FCHSD2: variants seen among roughly 807,000 people sequenced by gnomAD.
FCHSD2 encodes the protein F-BAR and double SH3 domains protein 2.
In FCHSD2, 38 loss-of-function variants were observed where a neutral mutation model predicts 108.1. The ratio of observed to expected loss-of-function variants is 0.35; its 90% confidence interval spans 0.27 to 0.46. The LOEUF (loss-of-function observed/expected upper bound fraction) is 0.46, where lower values mean the gene tolerates loss of function less well. Among genes scored for constraint, FCHSD2 ranks in the 20% least tolerant of loss-of-function variants. FCHSD2 has a pLI of 1.00. For synonymous variants in FCHSD2, 279 were observed against 314.7 expected (o/e 0.89, Z 1.20); for missense variants, 751 against 897.8 (o/e 0.84, Z 2.09).
chr11:73,127,647 G>C (rs191306923), intron 2 of FCHSD2, among the ~76,000 whole-genome samples: 1 of 152,280 alleles, frequency 6.6e-6, no homozygotes, highest in Admixed American at 6.5e-5. Context: ...CAGATAAACA[G>C]CTTCAGACTT....
chr11:72,862,675 C>G (rs1854626299), intron 13 of FCHSD2, among the ~76,000 whole-genome samples: 1 of 152,130 alleles, frequency 6.6e-6, no homozygotes, highest in Admixed American at 6.6e-5. Flanking sequence ...TCTATGCAGT[C>G]ATCATAATCC....
At chr11:73,058,393 G>T (rs546629435) in intron 3 of FCHSD2, among the ~76,000 whole-genome samples, 4 of 152,122 alleles carry the variant, frequency 2.6e-5, no homozygotes, top group Non-Finnish European at 5.9e-5. Flanking sequence ...GGTATGGCTA[G>T]ATGTCATCAC....
intron 5 of FCHSD2, among the ~76,000 whole-genome samples, chr11:72,992,963 G>T (rs1422417922): frequency 1.3e-5 from 2 of 152,168 alleles, no homozygotes; most frequent in Non-Finnish European, 2.9e-5. Flanking sequence ...CCATCAGAGT[G>T]AACAGGCAAC....
intron 8 of FCHSD2, among the ~76,000 whole-genome samples, chr11:72,935,436 T>C (rs556969208): frequency 3.3e-5 from 5 of 152,332 alleles, no homozygotes; most frequent in South Asian, 2.1e-4. Context: ...ATTTCTAAAA[T>C]AGACTTTGGT....
rs900134316 is a variant in FCHSD2, at chr11:72,837,425, C to T, written c.*1366G>A. The T allele has an allele frequency of 6.6e-6, 1 of 151,154 alleles. No individual in the cohort carries two copies. The highest frequency in any genetic ancestry group is 2.4e-5 in the African/African-American group (1 of 41,134). The allele number at this position is 151,154 out of a possible 1,614,324, so 9.4% of individuals were successfully genotyped here. A position where few individuals can be genotyped will look rare whatever the true frequency, so the allele number is the denominator to read the frequency against. On this transcript the variant is annotated 3_prime_UTR_variant, in exon 20 of 20. Transcript: ENST00000409418. ...ATGGAGTTTTCAAAGCATAATACAA[C>T]TTGTAGATTAAATTCTGCAAATTTG... is the stretch of plus-strand genomic sequence containing the variant.
At chr11:73,041,287 T>G (rs1179452166) in intron 3 of FCHSD2, among the ~76,000 whole-genome samples, 2 of 152,178 alleles carry the variant, frequency 1.3e-5, no homozygotes, top group Non-Finnish European at 2.9e-5. Flanking sequence ...TATTTTTAGT[T>G]TTTTGAGAAA....
At chr11:73,071,545 A>T (rs1859436385) in intron 3 of FCHSD2, among the ~76,000 whole-genome samples, 1 of 151,720 alleles carries the variant, frequency 6.6e-6, no homozygotes, top group African/African-American at 2.4e-5. Context: ...CAAAAAAAAA[A>T]AAAAAATTAG....
intron 3 of FCHSD2, among the ~76,000 whole-genome samples, chr11:73,019,933 T>G (rs1021267061): frequency 6.6e-6 from 1 of 152,174 alleles, no homozygotes; most frequent in African/African-American, 2.4e-5. Flanking sequence ...AAAATTTTTT[T>G]CAAATCATTC....
Position 72,838,764 on chromosome 11 carries a change from AG to A in FCHSD2, c.*26del, listed in dbSNP as rs1860810559. On this transcript the variant is annotated 3_prime_UTR_variant, in exon 20 of 20. Transcript: ENST00000409418. ...AAACTCCAAGCCTGGCCTTGATTGT[AG>A]CAGTAATGGATGGGCAAGCCCATCA... 1 of 1,564,366 alleles carries A rather than the reference AG, an allele frequency of 6.4e-7. No homozygotes were observed. The highest frequency in any genetic ancestry group is 8.7e-7 in the Non-Finnish European group (1 of 1,149,290).
At chr11:72,884,133 T>C (rs575895017) in intron 12 of FCHSD2, among the ~76,000 whole-genome samples, 1 of 152,132 alleles carries the variant, frequency 6.6e-6, no homozygotes, top group Non-Finnish European at 1.5e-5. Context: ...CTTGATATTA[T>C]GATTCTTTAT....
intron 12 of FCHSD2, among the ~76,000 whole-genome samples, chr11:72,878,107 C>A (rs1217410077): frequency 6.6e-6 from 1 of 151,628 alleles, no homozygotes; most frequent in East Asian, 1.9e-4. Context: ...TCAAAGAAAT[C>A]AAATAAGTTC....
rs528683330 is a variant in FCHSD2 at position 73,060,125 on chromosome 11, T to C, written c.165+23570A>G. Among the ~76,000 whole-genome samples the C allele has an allele frequency of 4.6e-5, 7 of 152,334 alleles. No individual in the cohort carries two copies. The East Asian group carries it at 1.3e-3, about 29-fold the overall frequency. On this transcript the variant is annotated intron_variant, in intron 3 of 19. Transcript: ENST00000409418. ...CCTAGCCTTAACCTCTGTGACTCTG[T>C]TACTGTATAAGGAGTTAGTCACCCA... is the stretch of plus-strand genomic sequence containing the variant.
At chr11:72,866,522 G>C (rs1009012099) in intron 13 of FCHSD2, among the ~76,000 whole-genome samples, 5 of 152,078 alleles carry the variant, frequency 3.3e-5, no homozygotes, top group African/African-American at 1.2e-4. Context: ...CATCTGCCTT[G>C]GCCTCCCAAA....
chr11:72,963,198 G>A (rs1040074939), intron 8 of FCHSD2, among the ~76,000 whole-genome samples: 3 of 152,110 alleles, frequency 2.0e-5, no homozygotes, highest in Non-Finnish European at 4.4e-5. Context: ...AACAGTGTTA[G>A]GCCCATAGTA....
intron 8 of FCHSD2, among the ~76,000 whole-genome samples, chr11:72,980,998 C>G (rs1857205343): frequency 6.6e-6 from 1 of 151,980 alleles, no homozygotes; most frequent in African/African-American, 2.4e-5. Flanking sequence ...AACATTAATT[C>G]AGAAAAACAG....
intron 2 of FCHSD2, among the ~76,000 whole-genome samples, chr11:73,133,189 C>G (rs1018839967): frequency 6.6e-6 from 1 of 152,130 alleles, no homozygotes; most frequent in Non-Finnish European, 1.5e-5. Context: ...AATGGAGCAG[C>G]TATTTTGGAA....
chr11:72,935,909 A>G (rs1468864581), intron 8 of FCHSD2, among the ~76,000 whole-genome samples: 1 of 152,194 alleles, frequency 6.6e-6, no homozygotes, highest in Non-Finnish European at 1.5e-5. Flanking sequence ...TTGCATTACT[A>G]CTAGCATGCA....
intron 3 of FCHSD2, among the ~76,000 whole-genome samples, chr11:73,041,820 A>G (rs1210965312): frequency 6.6e-6 from 1 of 152,172 alleles, no homozygotes; most frequent in East Asian, 1.9e-4. Context: ...TTTTAGCCAT[A>G]AAATTTTTGC....
chr11:73,071,279 G>A (rs1038656903), intron 3 of FCHSD2, among the ~76,000 whole-genome samples: 5 of 152,064 alleles, frequency 3.3e-5, no homozygotes, highest in Non-Finnish European at 7.4e-5. Context: ...AATCTATAAT[G>A]GAGGCTGTTG....
Sources: allele counts gnomAD v4.1 joint callset (sites outside exome capture counted in the v4.1 genomes callset), GRCh38; gene constraint gnomAD v4.1.1; transcripts MANE v1.5; gene names NCBI Gene and HGNC (gene_info 2026-07-23, HGNC 2026-07-21).